The following NIBAN1 variants were observed in gnomAD, a reference collection of about 807,000 sequenced individuals.
The protein encoded by NIBAN1 is protein Niban 1.
In NIBAN1, 81 loss-of-function variants were observed where a neutral mutation model predicts 75.1. The observed-to-expected ratio is 1.08, with a 90% CI of 0.90 to 1.30. The LOEUF is 1.30. Ranked by LOEUF, NIBAN1 falls within the 50% of genes most tolerant of loss-of-function variation. NIBAN1 has a pLI of 0.00. For synonymous variants in NIBAN1, 436 were observed against 424.8 expected (o/e 1.03, Z -0.32); for missense variants, 1,133 against 1,128.1 (o/e 1.00, Z -0.06).
chr1:184,925,693 C>CAA (rs201647226), intron 1 of NIBAN1, among the ~76,000 whole-genome samples: 1 of 149,568 alleles, frequency 6.7e-6, no homozygotes, highest in Admixed American at 6.6e-5. Context: ...AAAGAGAAAA[C>CAA]AAAAAAAAAC....
chr1:184,898,075 G>T (rs949035788), intron 2 of NIBAN1, among the ~76,000 whole-genome samples: 1 of 152,186 alleles, frequency 6.6e-6, no homozygotes, highest in African/African-American at 2.4e-5. Context: ...AAACCCTGTT[G>T]TGACCCACAG....
At chr1:184,882,676 C>T (rs1656406543) in intron 5 of NIBAN1, among the ~76,000 whole-genome samples, 1 of 152,136 alleles carries the variant, frequency 6.6e-6, no homozygotes, top group Non-Finnish European at 1.5e-5. Flanking sequence ...CCAAAAACTC[C>T]TCAGAGAAAG....
intron 5 of NIBAN1, among the ~76,000 whole-genome samples, chr1:184,872,415 T>C (rs1343168288): frequency 6.6e-6 from 1 of 151,960 alleles, no homozygotes; most frequent in Non-Finnish European, 1.5e-5. Flanking sequence ...AATTAAAAGT[T>C]AACAAGTAGG....
At chr1:184,796,283 T>C (rs946703819) in intron 13 of NIBAN1, among the ~76,000 whole-genome samples, 186 bp from the exon 14 acceptor site, 11 of 152,230 alleles carry the variant, frequency 7.2e-5, no homozygotes, top group Admixed American at 1.3e-4. Flanking sequence ...ATTCATTCAT[T>C]CATTTATTCA....
chr1:184,822,657 C>T (rs1448178850), intron 8 of NIBAN1, among the ~76,000 whole-genome samples: 1 of 152,150 alleles, frequency 6.6e-6, no homozygotes, highest in Non-Finnish European at 1.5e-5. Context: ...TACAAACCTA[C>T]ATTTATTGGG....
At chr1:184,932,341 C>A (rs914978117) in intron 1 of NIBAN1, among the ~76,000 whole-genome samples, 1 of 152,142 alleles carries the variant, frequency 6.6e-6, no homozygotes, top group Non-Finnish European at 1.5e-5. Context: ...TGCAACTAGA[C>A]GGTCCCATCT....
At chr1:184,828,914 G>C (rs547317176) in intron 6 of NIBAN1, among the ~76,000 whole-genome samples, 80 of 151,546 alleles carry the variant, frequency 5.3e-4, no homozygotes, top group African/African-American at 1.9e-3. Flanking sequence ...CTACTGTCTT[G>C]GTTTCCCAAA....
chr1:184,808,009 GC>G, intron 10 of NIBAN1, 64 bp downstream of exon 10: 1 of 1,573,466 alleles, frequency 6.4e-7, no homozygotes. Context: ...GGTCTCACTG[GC>G]CAGCACCCAT....
At chr1:184,840,906 T>C (rs1571509453) in intron 5 of NIBAN1, among the ~76,000 whole-genome samples, 1 of 151,846 alleles carries the variant, frequency 6.6e-6, no homozygotes. Flanking sequence ...TGGAGGGAAA[T>C]CTCCAGGGCA....
chr1:184,812,465 C>T (rs754946807), intron 9 of NIBAN1, among the ~76,000 whole-genome samples: 11 of 152,138 alleles, frequency 7.2e-5, no homozygotes, highest in Non-Finnish European at 1.2e-4. Context: ...CCTGGCATGC[C>T]GGCCAAAAGG....
At chr1:184,955,646 C>T (rs138089722) in intron 1 of NIBAN1, among the ~76,000 whole-genome samples, 1 of 152,228 alleles carries the variant, frequency 6.6e-6, no homozygotes, top group East Asian at 1.9e-4. Flanking sequence ...CTCAACTTTT[C>T]TTACATAAAG....
chr1:184,857,834 C>T lies in NIBAN1; in HGVS notation c.602-25872G>A, dbSNP rs150531024. Among the ~76,000 whole-genome samples, 384 of 151,666 alleles carry T rather than the reference C, an allele frequency of 2.5e-3. 1 individual carries two copies. Among genetic ancestry groups the T allele is most frequent in the Middle Eastern group, 6.8e-3 (2 of 294 alleles). ...TAGATTATTTAATAAATGGTGCTGG[C>T]GCAACTGATTTTCCATTTAAAGGGA... is the stretch of plus-strand genomic sequence containing the variant. On this transcript the variant is annotated intron_variant, in intron 5 of 13. Transcript: ENST00000367511.
At chr1:184,929,035 T>C (rs1435489997) in intron 1 of NIBAN1, among the ~76,000 whole-genome samples, 3 of 152,202 alleles carry the variant, frequency 2.0e-5, no homozygotes, top group Non-Finnish European at 2.9e-5. Flanking sequence ...ATGAGAAGTA[T>C]AATAAACATG....
chr1:184,834,003 C>T (rs1485155263), intron 5 of NIBAN1, among the ~76,000 whole-genome samples: 1 of 150,440 alleles, frequency 6.6e-6, no homozygotes, highest in Non-Finnish European at 1.5e-5. Context: ...TGTTATCCCT[C>T]CCCCTGCCCC....
At chr1:184,802,607 A>C (rs1215088416) in intron 12 of NIBAN1, among the ~76,000 whole-genome samples, 8 of 152,264 alleles carry the variant, frequency 5.3e-5, no homozygotes, top group Non-Finnish European at 1.0e-4. Context: ...GCACTTACAG[A>C]CTATAAAAAT....
chr1:184,869,700 C>T (rs983597438), intron 5 of NIBAN1, among the ~76,000 whole-genome samples: 1 of 152,062 alleles, frequency 6.6e-6, no homozygotes, highest in East Asian at 1.9e-4. Flanking sequence ...CGCCACCATG[C>T]CCGGCTAATT....
At chr1:184,855,477 T>A (rs1013320078) in intron 5 of NIBAN1, among the ~76,000 whole-genome samples, 5 of 152,148 alleles carry the variant, frequency 3.3e-5, no homozygotes, top group Admixed American at 3.3e-4. Context: ...ATCTCTCTGA[T>A]AGCATTCTCT....
chr1:184,818,518 G>C (rs1654601574), intron 9 of NIBAN1, 120 bp downstream of exon 9: 1 of 987,300 alleles, frequency 1.0e-6, no homozygotes, highest in Non-Finnish European at 1.5e-6. Context: ...TGGAGGGAAG[G>C]GCAGAAGAAT....
chr1:184,957,329 G>T (rs752235402), intron 1 of NIBAN1, among the ~76,000 whole-genome samples: 1 of 152,142 alleles, frequency 6.6e-6, no homozygotes. Context: ...CCCTGCGTCC[G>T]ACTCTTTCAT....
Sources: gnomAD v4.1 joint callset for allele counts (sites outside exome capture counted in the v4.1 genomes callset) on GRCh38, gnomAD v4.1.1 for gene constraint, MANE v1.5 for transcripts, NCBI Gene and HGNC (gene_info 2026-07-23, HGNC 2026-07-21) for gene names.